Variants in KCNJ16 observed in about 807,000 individuals in gnomAD.
KCNJ16 encodes potassium inwardly rectifying channel subfamily J member 16.
KCNJ16 carries 15 observed loss-of-function variants against 18.5 expected under a neutral mutation model. That is an observed-to-expected ratio of 0.81 (90% CI 0.54 to 1.25). KCNJ16 has a LOEUF of 1.25. KCNJ16 is among the 50% of genes most tolerant of loss of function. KCNJ16 has a pLI of 0.00. For missense variants in KCNJ16, 523 were observed against 525.7 expected, an observed-to-expected ratio of 0.99 and a Z score of 0.05; for synonymous variants, 174 against 186.5, an observed-to-expected ratio of 0.93 and a Z score of 0.55.
At chr17:70,111,301 G>C (rs982315506) in intron 2 of KCNJ16, among the ~76,000 whole-genome samples, 2 of 152,122 alleles carry the variant, frequency 1.3e-5, no homozygotes, top group African/African-American at 4.8e-5. Context: ...TTTCAAGATG[G>C]CTATTAGGAT....
Position 70,106,683 on chromosome 17 carries a change from G to A in KCNJ16, c.-191+5917G>A, listed in dbSNP as rs1205059407. Among the ~76,000 whole-genome samples, 4 of 152,118 alleles carry A rather than the reference G, an allele frequency of 2.6e-5. No homozygotes were observed. In the South Asian group the frequency reaches 6.2e-4, roughly 24 times the overall value. ...TGCTTCTGCCATGGTTTTCTGACCT[G>A]CAATATTTAATCTTCAGCTTTCAGA... On this transcript the variant is annotated intron_variant, in intron 2 of 3. Transcript: ENST00000392671.
chr17:70,106,302 C>A (rs1357274848), intron 2 of KCNJ16, among the ~76,000 whole-genome samples: 1 of 152,106 alleles, frequency 6.6e-6, no homozygotes, highest in Admixed American at 6.5e-5. Flanking sequence ...GGCAGTGTGA[C>A]CTTCCCCCAA....
chr17:70,116,249 T>C (rs761684576), intron 2 of KCNJ16, among the ~76,000 whole-genome samples: 2 of 152,204 alleles, frequency 1.3e-5, no homozygotes, highest in Non-Finnish European at 2.9e-5. Flanking sequence ...CCCACATTTT[T>C]TTCCCGTCAC....
chr17:70,118,513 G>A (rs1375108067), intron 2 of KCNJ16, among the ~76,000 whole-genome samples: 1 of 152,130 alleles, frequency 6.6e-6, no homozygotes, highest in Non-Finnish European at 1.5e-5. Flanking sequence ...CATAATGCCA[G>A]CACCTGCTTC....
chr17:70,088,847 T>C (rs1336889293), intron 1 of KCNJ16, among the ~76,000 whole-genome samples: 2 of 152,184 alleles, frequency 1.3e-5, no homozygotes, highest in African/African-American at 2.4e-5. Context: ...AGTGGCCGAT[T>C]TTAGTCCTAT....
At chr17:70,124,134 C>G (rs145456540) in intron 2 of KCNJ16, among the ~76,000 whole-genome samples, 12 of 152,298 alleles carry the variant, frequency 7.9e-5, no homozygotes, top group African/African-American at 2.6e-4. Flanking sequence ...GAGTTGAGAG[C>G]ATTTTAACCT....
At chr17:70,109,493 A>C (rs546876132) in intron 2 of KCNJ16, among the ~76,000 whole-genome samples, 11 of 152,094 alleles carry the variant, frequency 7.2e-5, no homozygotes, top group Non-Finnish European at 1.2e-4. Flanking sequence ...TTAGCTACAT[A>C]AATATCTACA....
intron 1 of KCNJ16, among the ~76,000 whole-genome samples, chr17:70,099,349 G>T (rs1021067227): frequency 2.0e-5 from 3 of 152,110 alleles, no homozygotes. Context: ...TGAAGAACAG[G>T]CTCCTGGAAG....
chr17:70,120,534 C>T (rs755931855), intron 2 of KCNJ16, among the ~76,000 whole-genome samples: 8 of 152,100 alleles, frequency 5.3e-5, no homozygotes, highest in South Asian at 2.1e-4. Context: ...GCATAGTGCC[C>T]GCTTCTGCTT....
intron 2 of KCNJ16, among the ~76,000 whole-genome samples, chr17:70,122,176 CT>C (rs34898848): frequency 0.22 from 31,652 of 144,342 alleles, 4,069 homozygotes; most frequent in African/African-American, 0.38. Context: ...ATATCGGATA[CT>C]TTTTTTTTTT....
At chr17:70,083,467 TA>T (rs2143592200) in intron 1 of KCNJ16, among the ~76,000 whole-genome samples, 1 of 152,026 alleles carries the variant, frequency 6.6e-6, no homozygotes, top group Non-Finnish European at 1.5e-5. Flanking sequence ...CAAAAGATTT[TA>T]AAGCCATATT....
At chr17:70,087,146 G>A (rs1368308007) in intron 1 of KCNJ16, among the ~76,000 whole-genome samples, 1 of 151,374 alleles carries the variant, frequency 6.6e-6, no homozygotes, top group Non-Finnish European at 1.5e-5. Flanking sequence ...AACCTCAGGT[G>A]ATCCGCCTGC....
chr17:70,131,601 A>G (rs958309395), intron 3 of KCNJ16: 7 of 392,590 alleles, frequency 1.8e-5, no homozygotes, highest in Admixed American at 1.6e-4. Context: ...GAAGCTTATG[A>G]CTGCTAGACA....
At chr17:70,103,040 T>A (rs1160623168) in intron 2 of KCNJ16, among the ~76,000 whole-genome samples, 1 of 150,650 alleles carries the variant, frequency 6.6e-6, no homozygotes, top group Admixed American at 6.7e-5. Flanking sequence ...GCTCAAGTGA[T>A]CCTGCCACCT....
At position 70,132,369 on chromosome 17, in the gene KCNJ16, C is replaced by G. The variant is rs150792127; in HGVS notation, c.282C>G (p.Leu94=). The part of the protein sequence containing the change: ...SWLIFGSVFW[L]IAFHHGDLLN... ...TGATATTTGGCTCTGTCTTTTGGCTCATAGCCTTTCATCATGGCGATCTAT... is the reference window on the plus strand; with the variant it reads ...TGATATTTGGCTCTGTCTTTTGGCTGATAGCCTTTCATCATGGCGATCTAT... The change falls in exon 4 of 4, where the codon CTC becomes CTG. Residue 94 remains leucine (L), a synonymous_variant. Transcript: ENST00000392671. 4 of 1,614,042 alleles carry G rather than the reference C, an allele frequency of 2.5e-6. No homozygotes were observed. The highest frequency in any genetic ancestry group is 1.3e-5 in the African/African-American group (1 of 74,928).
At chr17:70,108,646 A>G (rs2073042810) in intron 2 of KCNJ16, among the ~76,000 whole-genome samples, 1 of 152,156 alleles carries the variant, frequency 6.6e-6, no homozygotes. Flanking sequence ...ACCAGGAATC[A>G]AACATTACAT....
chr17:70,107,952 C>G (rs970793956), intron 2 of KCNJ16, among the ~76,000 whole-genome samples: 4 of 152,188 alleles, frequency 2.6e-5, no homozygotes, highest in African/African-American at 9.7e-5. Flanking sequence ...TATCCAAATT[C>G]AGAGTTAACA....
intron 1 of KCNJ16, among the ~76,000 whole-genome samples, chr17:70,091,054 C>G (rs1047612425): frequency 3.9e-5 from 6 of 152,128 alleles, no homozygotes; most frequent in Non-Finnish European, 8.8e-5. Context: ...TTTCTCCCAT[C>G]TGGAGAATGT....
In KCNJ16 at chr17:70,134,518, T is replaced by C. The variant is rs774165959; in HGVS notation, c.*1174T>C. 6.0e-5 allele frequency: 10 copies of C among 167,104 alleles called. No individual in the cohort carries two copies. Among genetic ancestry groups the C allele is most frequent in the East Asian group, 1.9e-4 (1 of 5,194 alleles). 10.4% of individuals were successfully genotyped at this position (167,104 alleles called of 1,614,324 possible). On this transcript the variant is annotated 3_prime_UTR_variant, in exon 4 of 4. Transcript: ENST00000392671. ...CAGTAAGTGGATAATCTGAGTACAA[T>C]GAAATTTCTTAAGTTTTAGAACATG... is the stretch of plus-strand genomic sequence containing the variant.
Sources: gnomAD v4.1 joint callset for allele counts (sites outside exome capture counted in the v4.1 genomes callset) on GRCh38, gnomAD v4.1.1 for gene constraint, MANE v1.5 for transcripts, NCBI Gene and HGNC (gene_info 2026-07-23, HGNC 2026-07-21) for gene names.